LMCD1: variants seen among roughly 807,000 people sequenced by gnomAD.
The protein encoded by LMCD1 is LIM and cysteine-rich domains protein 1.
A neutral mutation model predicts 42.7 loss-of-function variants in LMCD1; 32 were observed. That is an observed-to-expected ratio of 0.75 (90% CI 0.57 to 1.01). The LOEUF is 1.01. Among genes scored for constraint, LMCD1 ranks in the 50% least tolerant of loss-of-function variants. The pLI is 0.00. For missense variants in LMCD1, 458 were observed against 483.1 expected (o/e 0.95, Z 0.49); for synonymous variants, 178 against 184.9 (o/e 0.96, Z 0.30).
chr3:8,566,675 G>C (rs971211693), intron 5 of LMCD1, among the ~76,000 whole-genome samples: 1 of 152,318 alleles, frequency 6.6e-6, no homozygotes, highest in Non-Finnish European at 1.5e-5. Flanking sequence ...TTTAGGGAGA[G>C]ATAAGCATGA....
chr3:8,533,762 G>GC (rs970019933), intron 2 of LMCD1, among the ~76,000 whole-genome samples: 3 of 152,078 alleles, frequency 2.0e-5, no homozygotes, highest in African/African-American at 7.2e-5. Flanking sequence ...AGGCAATGGG[G>GC]CAACAACTAC....
At position 8,537,271 on chromosome 3, in the gene LMCD1, T is replaced by A. The variant is rs1559351295; in HGVS notation, c.218T>A (p.Leu73Gln). Residue 73 changes from leucine (L) to glutamine (Q), a missense_variant, in exon 3 of 6, where the codon CTG becomes CAG. Physicochemically the swap from Leu to Gln is moderately radical, Grantham distance 113. Transcript: ENST00000157600. ...GACGATCGGAAAATTGGCCGCTTGCTGATGGACTCCAAGTATTCCACCCTC... is the reference window on the plus strand; with the variant it reads ...GACGATCGGAAAATTGGCCGCTTGCAGATGGACTCCAAGTATTCCACCCTC... Reference protein sequence around the residue: ...LEDDRKIGRLLMDSKYSTLTA... With the variant: ...LEDDRKIGRLQMDSKYSTLTA... The A allele has an allele frequency of 6.2e-7, 1 of 1,614,148 alleles. No individual in the cohort carries two copies. The highest frequency in any genetic ancestry group is 1.7e-5 in the Admixed American group (1 of 60,018).
intron 1 of LMCD1, among the ~76,000 whole-genome samples, chr3:8,509,602 A>C (rs1693955062): frequency 6.6e-6 from 1 of 152,100 alleles, no homozygotes; most frequent in Non-Finnish European, 1.5e-5. Context: ...GGTAGAATTT[A>C]TTTTTCATAA....
chr3:8,574,291 G>A lies in LMCD1; in HGVS notation c.*6693G>A, dbSNP rs897825232. ...TCTGATTGGCAATACCTTCATCGTG[G>A]GCCAACCACTGTGGGGAAGGGGGAG... is the stretch of plus-strand genomic sequence containing the variant. On this transcript the variant is annotated 3_prime_UTR_variant, in exon 6 of 6. Coordinates refer to ENST00000157600, the MANE Select transcript of LMCD1 (RefSeq NM_014583.4). 41 of 152,438 alleles carry A rather than the reference G, an allele frequency of 2.7e-4. No homozygotes were observed. Among genetic ancestry groups the A allele is most frequent in the African/African-American group, 9.1e-4 (38 of 41,542 alleles). The allele number at this position is 152,438 out of a possible 1,614,324, so 9.4% of individuals were successfully genotyped here.
intron 1 of LMCD1, among the ~76,000 whole-genome samples, chr3:8,524,262 C>T (rs1694256558): frequency 6.6e-6 from 1 of 151,714 alleles, no homozygotes; most frequent in South Asian, 2.1e-4. Flanking sequence ...GTTGCACATT[C>T]CCAGGTTGGG....
rs372593696 is a variant in LMCD1, at chr3:8,548,846, G to C, written c.666G>C (p.Glu222Asp). 1.9e-6 allele frequency: 3 copies of C among 1,583,218 alleles called. No individual in the cohort carries two copies. In the African/African-American group the frequency reaches 4.0e-5, roughly 21 times the overall value. ...GKQQEKPEGA[E>D]TTAATTNGSL... The stretch of plus-strand genomic sequence containing the variant: ...AGCAGGAAAAGCCAGAGGGGGCAGA[G>C]ACCACTGCTGCTACCACCAACGGCA... The change falls in exon 4 of 6, where the codon GAG becomes GAC. Residue 222 changes from glutamate (E) to aspartate (D), a missense_variant. By Grantham distance (45) the Glu-to-Asp change is conservative. Coordinates refer to ENST00000157600, the MANE Select transcript of LMCD1 (RefSeq NM_014583.4).
chr3:8,537,036 C>T, intron 2 of LMCD1, 149 bp from the exon 3 acceptor site: 4 of 822,610 alleles, frequency 4.9e-6, no homozygotes, highest in Non-Finnish European at 7.5e-6. Context: ...TTCCAAAGGC[C>T]TTTTTGTCTC....
rs1168692482 is a variant in LMCD1, at chr3:8,573,873, AC to A, written c.*6277del. On this transcript the variant is annotated 3_prime_UTR_variant, in exon 6 of 6. Transcript: ENST00000157600. ...GGAAATCCAATTAAAACTGGTTTAA[AC>A]CTAAAAAAAAAAAAAAGAAGAAAAG... 1.6e-5 allele frequency: 2 copies of A among 125,638 alleles called. No homozygotes were observed. Among genetic ancestry groups the A allele is most frequent in the Admixed American group, 1.6e-4 (2 of 12,684 alleles). 7.8% of individuals were successfully genotyped at this position (125,638 alleles called of 1,614,324 possible).
chr3:8,567,812 A>C lies in LMCD1; in HGVS notation c.*214A>C. 1 of 364,092 alleles carries C rather than the reference A, an allele frequency of 2.7e-6. No individual in the cohort carries two copies. Among genetic ancestry groups the C allele is most frequent in the Non-Finnish European group, 4.8e-6 (1 of 207,682 alleles). 22.6% of individuals were successfully genotyped at this position (364,092 alleles called of 1,614,324 possible). ...GAGGGTCAGTAGTTTCAAAACCAAAAATATTCTAAGAAGTCTTAGGATGGA... is the reference window on the plus strand; with the variant it reads ...GAGGGTCAGTAGTTTCAAAACCAAACATATTCTAAGAAGTCTTAGGATGGA... On this transcript the variant is annotated 3_prime_UTR_variant, in exon 6 of 6. Coordinates refer to ENST00000157600, the MANE Select transcript of LMCD1 (RefSeq NM_014583.4).
intron 1 of LMCD1, among the ~76,000 whole-genome samples, chr3:8,509,387 G>A (rs929916841): frequency 6.6e-6 from 1 of 152,052 alleles, no homozygotes; most frequent in African/African-American, 2.4e-5. Context: ...GTGTTTGGTC[G>A]CTACCCTTTC....
At chr3:8,509,348 A>G (rs527704191) in intron 1 of LMCD1, among the ~76,000 whole-genome samples, 218 of 152,264 alleles carry the variant, frequency 1.4e-3, no homozygotes, top group African/African-American at 5.1e-3. Context: ...ACATTGCAAA[A>G]TCATGAGAAT....
At chr3:8,565,163 A>T (rs992662048) in intron 4 of LMCD1, among the ~76,000 whole-genome samples, 3 of 152,202 alleles carry the variant, frequency 2.0e-5, no homozygotes, top group African/African-American at 4.8e-5. Flanking sequence ...AGGGGTCTTG[A>T]TAATTTTTAA....
At chr3:8,523,940 G>A (rs1188400156) in intron 1 of LMCD1, among the ~76,000 whole-genome samples, 1 of 152,188 alleles carries the variant, frequency 6.6e-6, no homozygotes, top group African/African-American at 2.4e-5. Flanking sequence ...TGGACAGGCA[G>A]TTATCGTATT....
chr3:8,526,716 C>T (rs1235799958), intron 1 of LMCD1, among the ~76,000 whole-genome samples: 1 of 152,182 alleles, frequency 6.6e-6, no homozygotes, highest in East Asian at 1.9e-4. Flanking sequence ...GAGACCACAC[C>T]TTGAGAACCA....
intron 4 of LMCD1, among the ~76,000 whole-genome samples, chr3:8,558,437 A>G (rs1213925474): frequency 1.3e-5 from 2 of 152,264 alleles, no homozygotes; most frequent in Non-Finnish European, 2.9e-5. Flanking sequence ...TGGCACAGGA[A>G]GAAACTTCCC....
intron 4 of LMCD1, chr3:8,550,561 A>G: frequency 1.0e-6 from 1 of 985,186 alleles, no homozygotes; most frequent in South Asian, 4.7e-5. Context: ...GCCAACCAAG[A>G]AACTGTTTTA....
chr3:8,556,098 A>T (rs180856060), intron 4 of LMCD1, among the ~76,000 whole-genome samples: 88 of 152,324 alleles, frequency 5.8e-4, no homozygotes, highest in Non-Finnish European at 8.8e-4. Flanking sequence ...GACGATGATG[A>T]TGATGCTGTC....
At chr3:8,502,765 G>C (rs556776569) in intron 1 of LMCD1, among the ~76,000 whole-genome samples, 2 of 152,234 alleles carry the variant, frequency 1.3e-5, no homozygotes, top group South Asian at 4.1e-4. Context: ...GCCTGCGGCT[G>C]TGCCTATAGC....
At chr3:8,504,590 C>T (rs1009552745) in intron 1 of LMCD1, among the ~76,000 whole-genome samples, 5 of 152,234 alleles carry the variant, frequency 3.3e-5, no homozygotes, top group African/African-American at 9.6e-5. Context: ...ATCTAACCAA[C>T]CCCAGACAGG....
Sources: gnomAD v4.1 joint callset for allele counts (sites outside exome capture counted in the v4.1 genomes callset) on GRCh38, gnomAD v4.1.1 for gene constraint, MANE v1.5 for transcripts, NCBI Gene and HGNC (gene_info 2026-07-23, HGNC 2026-07-21) for gene names.